The following CCDC9 variants were observed in gnomAD, a reference collection of about 807,000 sequenced individuals.
The protein encoded by CCDC9 is coiled-coil domain-containing protein 9.
Under a neutral mutation model 65.6 loss-of-function variants are expected in CCDC9, and 52 were observed. The observed-to-expected ratio is 0.79, with a 90% CI of 0.63 to 1.00. The LOEUF is 1.00. CCDC9 is among the 50% of genes least tolerant of loss of function. The probability of loss-of-function intolerance (pLI) is 0.00; values close to 1 mark genes in which losing one functional copy is unlikely to be tolerated. For missense variants in CCDC9, 834 were observed against 757.2 expected (o/e 1.10, Z -1.19); for synonymous variants, 332 against 280.3 (o/e 1.18, Z -1.84).
intron 8 of CCDC9, among the ~76,000 whole-genome samples, chr19:47,269,713 G>A (rs2059103404): frequency 6.6e-6 from 1 of 152,226 alleles, no homozygotes; most frequent in East Asian, 1.9e-4. Context: ...GTGAGCCAGT[G>A]AAAAACGTGG....
At chr19:47,273,081 G>GC (rs1363503637), downstream of CCDC9, among the ~76,000 whole-genome samples, 2 of 151,682 alleles carry the variant, frequency 1.3e-5, no homozygotes, top group Non-Finnish European at 2.9e-5. Context: ...TGGCGCGGGG[G>GC]CCCAGACCCT....
At chr19:47,264,147 C>T (rs542961988) in intron 5 of CCDC9, among the ~76,000 whole-genome samples, 12 of 152,332 alleles carry the variant, frequency 7.9e-5, no homozygotes, top group African/African-American at 1.9e-4. Context: ...TCCCAAAGTG[C>T]TGGGATTACA....
At chr19:47,259,645 C>T (rs1039170577) in intron 3 of CCDC9, among the ~76,000 whole-genome samples, 1 of 152,124 alleles carries the variant, frequency 6.6e-6, no homozygotes, top group Non-Finnish European at 1.5e-5. Context: ...TTCATGTATT[C>T]ATTCATTTTA....
chr19:47,271,380 A>AG lies in CCDC9; in HGVS notation c.1300dup (p.Glu434GlyfsTer9). On this transcript the variant is annotated frameshift_variant, in exon 12 of 12. Coordinates refer to ENST00000221922, the MANE Select transcript of CCDC9 (RefSeq NM_015603.3). LOFTEE classifies it high-confidence loss of function. ...GAGGACATAAGTGAGGATGAGGAAG[A>AG]GGAGGAGATCGAGGTGGAAGAAGGT... 1 of 1,613,446 alleles carries AG rather than the reference A, an allele frequency of 6.2e-7. No individual in the cohort carries two copies. Among genetic ancestry groups the AG allele is most frequent in the Non-Finnish European group, 8.5e-7 (1 of 1,179,724 alleles).
At chr19:47,264,561 A>G (rs1407362963) in intron 5 of CCDC9, 42 bp from the exon 6 acceptor site, 2 of 1,539,966 alleles carry the variant, frequency 1.3e-6, no homozygotes, top group Admixed American at 1.9e-5. Context: ...GCAGCTTAAT[A>G]GTTCTCCCTG....
rs1394085469 is a variant in CCDC9 at position 47,264,458 on chromosome 19, C to T, written c.463-145C>T. Reference sequence around the variant, plus strand: ...GCCAGCCTCATCAGTTCACTGCTGACCTGGAGCACGCTGAGAGCAAATGGT... The same window carrying T: ...GCCAGCCTCATCAGTTCACTGCTGATCTGGAGCACGCTGAGAGCAAATGGT... On this transcript the variant is annotated intron_variant, in intron 5 of 11. Transcript: ENST00000221922. 1.1e-5 allele frequency: 8 copies of T among 734,696 alleles called. No homozygotes were observed. The Admixed American group carries it at 1.8e-4, about 16-fold the overall frequency. The allele number at this position is 734,696 out of a possible 1,614,324, so 45.5% of individuals were successfully genotyped here.
rs1287496673 is a variant in CCDC9 at position 47,271,552 on chromosome 19, C to G, written c.1470C>G (p.Phe490Leu). 1 of 1,613,278 alleles carries G rather than the reference C, an allele frequency of 6.2e-7. No homozygotes were observed. Among genetic ancestry groups the G allele is most frequent in the South Asian group, 1.1e-5 (1 of 91,044 alleles). ...PQAPGTPSSP[F>L]SPPSGHQPVS... is the part of the protein sequence containing the mutation. ...CCCCTGGCACGCCTTCCAGCCCTTT[C>G]TCACCACCCAGCGGCCACCAGCCTG... Residue 490 changes from phenylalanine (F) to leucine (L), a missense_variant, in exon 12 of 12, where the codon TTC (phenylalanine) becomes TTG (leucine). Coordinates refer to ENST00000221922, the MANE Select transcript of CCDC9 (RefSeq NM_015603.3).
chr19:47,273,230 C>T (rs1402645437), downstream of CCDC9: 1 of 477,884 alleles, frequency 2.1e-6, no homozygotes, highest in Non-Finnish European at 3.3e-6. Flanking sequence ...AACCGCTTAG[C>T]GCCGAGCCTG....
chr19:47,273,956 C>T (rs147440573), downstream of CCDC9: 5 of 984,240 alleles, frequency 5.1e-6, no homozygotes, highest in East Asian at 3.4e-4. Flanking sequence ...TTCCCTCCCC[C>T]CTCCCGCAGG....
intron 3 of CCDC9, 54 bp from the exon 4 acceptor site, chr19:47,260,267 C>A: frequency 7.6e-7 from 1 of 1,317,458 alleles, no homozygotes; most frequent in South Asian, 1.3e-5. Context: ...GTCTGGGAGT[C>A]CGTCTGGCAG....
chr19:47,275,313 A>G, downstream of CCDC9: 2 of 1,546,166 alleles, frequency 1.3e-6, no homozygotes, highest in Admixed American at 2.0e-5. Context: ...ACCCAGAGAG[A>G]CGCCAGAGGC....
At chr19:47,264,403 C>T (rs971778413) in intron 5 of CCDC9, among the ~76,000 whole-genome samples, 200 bp from the exon 6 acceptor site, 9 of 152,328 alleles carry the variant, frequency 5.9e-5, no homozygotes, top group African/African-American at 1.9e-4. Context: ...CAGCGTACAG[C>T]GTGTTGTTCG....
rs982395387 is a variant in CCDC9 at position 47,258,624 on chromosome 19, T to C, written c.69T>C (p.Ala23=). The C allele has an allele frequency of 3.1e-6, 5 of 1,613,998 alleles. No homozygotes were observed. Among genetic ancestry groups the C allele is most frequent in the Non-Finnish European group, 4.2e-6 (5 of 1,180,006 alleles). The part of the protein sequence containing the change: ...KDAELDKRIE[A]LRRKNEALIR... ...CTGAGTTGGACAAGAGGATCGAGGC[T>C]CTTCGGCGGAAGAATGAGGCCCTCA... Residue 23 remains alanine (A), a synonymous_variant, in exon 3 of 12, where the codon GCT becomes GCC. Coordinates refer to ENST00000221922, the MANE Select transcript of CCDC9 (RefSeq NM_015603.3).
rs779052907 is a variant in CCDC9 at position 47,264,894 on chromosome 19, G to T, written c.668G>T (p.Trp223Leu). Residue 223 changes from tryptophan to leucine, a missense_variant, in exon 7 of 12, where the codon TGG becomes TTG. Coordinates refer to ENST00000221922, the MANE Select transcript of CCDC9 (RefSeq NM_015603.3). ...REESRRHGRN[W>L]GGPDFERVRC... ...GAGAGCCGCCGGCACGGCCGCAACT[G>T]GGGGGGCCCCGACTTCGAGCGGGTG... 12 of 1,466,462 alleles carry T rather than the reference G, an allele frequency of 8.2e-6. No homozygotes were observed. Among genetic ancestry groups the T allele is most frequent in the South Asian group, 2.8e-5 (2 of 70,384 alleles). The allele number at this position is 1,466,462 out of a possible 1,614,324, so 90.8% of individuals were successfully genotyped here. A position where few individuals can be genotyped will look rare whatever the true frequency, so the allele number is the denominator to read the frequency against.
At chr19:47,256,644 A>G in intron 1 of CCDC9, 35 bp downstream of exon 1, 1 of 90,228 alleles carries the variant, frequency 1.1e-5, no homozygotes, top group Non-Finnish European at 2.3e-5. Flanking sequence ...GCGCGCCCAG[A>G]GAAGGCGGGG....
chr19:47,274,717 C>T (rs1159630662), downstream of CCDC9: 1 of 235,642 alleles, frequency 4.2e-6, no homozygotes, highest in Non-Finnish European at 7.0e-6. Context: ...GTAGCACCTC[C>T]GCCTGTCGGT....
rs2059120585 is a variant in CCDC9 at position 47,271,708 on chromosome 19, TGTGTGTGTGTGTGTGTGTGTGTGTGC to T, written c.*32_*57del. The T allele has an allele frequency of 7.4e-7, 1 of 1,349,544 alleles. No homozygotes were observed. Among genetic ancestry groups the T allele is most frequent in the Non-Finnish European group, 9.7e-7 (1 of 1,034,502 alleles). 83.6% of individuals were successfully genotyped at this position (1,349,544 alleles called of 1,614,324 possible). On this transcript the variant is annotated 3_prime_UTR_variant, in exon 12 of 12. Transcript: ENST00000221922. The stretch of plus-strand genomic sequence containing the variant: ...GGCTGCCTGTGTGTGTGTGTGTGTG[TGTGTGTGTGTGTGTGTGTGTGTGTGC>T]GCGCGCGCGCGCGCGCGCGCGCGCG...
At chr19:47,257,554 C>T (rs1268387570) in intron 1 of CCDC9, 1 of 152,362 alleles carries the variant, frequency 6.6e-6, no homozygotes. Flanking sequence ...GAGGCTGGAG[C>T]TTTGCACAGA....
At position 47,260,391 on chromosome 19, in the gene CCDC9, C is replaced by A; in HGVS notation, c.179C>A (p.Ser60Ter). 6.2e-7 allele frequency: 1 copy of A among 1,607,010 alleles called. No individual in the cohort carries two copies. Among genetic ancestry groups the A allele is most frequent in the South Asian group, 1.1e-5 (1 of 89,810 alleles). Reference sequence around the variant, plus strand: ...GTCACAGCTCCCCGAAAGGGCCGCTCAGTGGAGAAGGAGAACGTGGCAGTG... The same window carrying A: ...GTCACAGCTCCCCGAAAGGGCCGCTAAGTGGAGAAGGAGAACGTGGCAGTG... ...VAVTAPRKGR[S>*]VEKENVAVES... Residue 60 changes from serine (S) to a stop codon, truncating the protein, a stop_gained, in exon 4 of 12, where the codon TCA (serine) becomes TAA (stop). Transcript: ENST00000221922. LOFTEE classifies it high-confidence loss of function.
Sources: allele counts gnomAD v4.1 joint callset (sites outside exome capture counted in the v4.1 genomes callset), GRCh38; gene constraint gnomAD v4.1.1; transcripts MANE v1.5; gene names NCBI Gene and HGNC (gene_info 2026-07-23, HGNC 2026-07-21).